Variants in DNASE2 observed in about 807,000 individuals in gnomAD.
The protein encoded by DNASE2 is deoxyribonuclease-2-alpha.
In DNASE2, 26 loss-of-function variants were observed where a neutral mutation model predicts 29.8. That is an observed-to-expected ratio of 0.87 (90% confidence interval 0.64 to 1.21). The LOEUF is 1.21. Among genes scored for constraint, DNASE2 ranks in the 50% most tolerant of loss-of-function variants. DNASE2 has a pLI of 0.00. For synonymous variants in DNASE2, 186 were observed against 193.5 expected (o/e 0.96, Z 0.32); for missense variants, 415 against 455.6 (o/e 0.91, Z 0.81).
Position 12,880,989 on chromosome 19 carries a change from G to C in DNASE2, c.250C>G (p.Arg84Gly), listed in dbSNP as rs139356333. Residue 84 changes from arginine (R) to glycine (G), a missense_variant, in exon 2 of 6, where the codon CGG becomes GGG. Physicochemically the swap from Arg to Gly is moderately radical, Grantham distance 125. Transcript: ENST00000222219. ...CCCTTCACCTGGCTGGTGTTGCTCCGGTACAGCGGCTGCAGGCTTCGGCCC... is the reference window on the plus strand; with the variant it reads ...CCCTTCACCTGGCTGGTGTTGCTCCCGTACAGCGGCTGCAGGCTTCGGCCC... Reference protein sequence around the residue: ...AVGRSLQPLYRSNTSQLAFLL... With the variant: ...AVGRSLQPLYGSNTSQLAFLL... 1.9e-6 allele frequency: 3 copies of C among 1,614,122 alleles called. No individual in the cohort carries two copies. The highest frequency in any genetic ancestry group is 2.5e-6 in the Non-Finnish European group (3 of 1,180,034).
rs772156292 is a variant in DNASE2, at chr19:12,878,483, C to T, written c.608G>A (p.Gly203Asp). 2.6e-5 allele frequency: 42 copies of T among 1,613,930 alleles called. No homozygotes were observed. The highest frequency in any genetic ancestry group is 3.4e-5 in the Non-Finnish European group (40 of 1,180,052). ...EFPDLENVVK[G>D]HHVSQEPWNS... Reference sequence around the variant, plus strand: ...CCAGGGTTCTTGGCTAACGTGGTGGCCCTTGACCACATTCTCCAAGTCGGG... The same window carrying T: ...CCAGGGTTCTTGGCTAACGTGGTGGTCCTTGACCACATTCTCCAAGTCGGG... Residue 203 changes from glycine to aspartate, a missense_variant, in exon 5 of 6, where the codon GGC (glycine) becomes GAC (aspartate). Transcript: ENST00000222219.
At position 12,878,593 on chromosome 19, in the gene DNASE2, G is replaced by A. The variant is rs2145921359; in HGVS notation, c.512-14C>T. 1.2e-6 allele frequency: 2 copies of A among 1,613,882 alleles called. No homozygotes were observed. Among genetic ancestry groups the A allele is most frequent in the Admixed American group, 1.7e-5 (1 of 59,952 alleles). On this transcript the variant is annotated splice_polypyrimidine_tract_variant and intron_variant, in intron 4 of 5. Transcript: ENST00000222219. ...TCAGCTGCTTGCCTGGAGGACAAGG[G>A]GAGGAGGAAATGCAAGATCGTTCCA...
chr19:12,878,797 C>T lies in DNASE2; in HGVS notation c.384G>A (p.Leu128=). 2 of 1,613,776 alleles carry T rather than the reference C, an allele frequency of 1.2e-6. No individual in the cohort carries two copies. The highest frequency in any genetic ancestry group is 1.7e-6 in the Non-Finnish European group (2 of 1,179,968). The change falls in exon 4 of 6, where the codon CTG becomes CTA. Residue 128 remains leucine, a synonymous_variant. Coordinates refer to ENST00000222219, the MANE Select transcript of DNASE2 (RefSeq NM_001375.3). ...GAGGGAAGTTAGGTACACTGTGGAC[C>T]AGCCAGAAGCCCCCATCGTGGTCAA... ...LLLDHDGGFW[L]VHSVPNFPPP... is the part of the protein sequence containing the mutation.
intron 5 of DNASE2, 107 bp from the exon 6 acceptor site, chr19:12,876,470 T>A: frequency 1.4e-6 from 2 of 1,472,498 alleles, no homozygotes; most frequent in Non-Finnish European, 1.8e-6. Context: ...TTTTTTTTTT[T>A]TTTTTTTGAC....
At position 12,875,989 on chromosome 19, in the gene DNASE2, G is replaced by A. The variant is rs1420062223; in HGVS notation, c.*1C>T. ...TGAGCCACTGCACCTGGCCATAAGG[G>A]TTAGATCTTATAAGCTCTGCTGGGC... On this transcript the variant is annotated 3_prime_UTR_variant, in exon 6 of 6. Coordinates refer to ENST00000222219, the MANE Select transcript of DNASE2 (RefSeq NM_001375.3). 1 of 1,612,970 alleles carries A rather than the reference G, an allele frequency of 6.2e-7. No homozygotes were observed. The highest frequency in any genetic ancestry group is 8.5e-7 in the Non-Finnish European group (1 of 1,180,014).
At position 12,880,864 on chromosome 19, in the gene DNASE2, T is replaced by C. The variant is rs201030953; in HGVS notation, c.284A>G (p.Tyr95Cys). 4 of 1,614,178 alleles carry C rather than the reference T, an allele frequency of 2.5e-6. No individual in the cohort carries two copies. The highest frequency in any genetic ancestry group is 1.3e-5 in the African/African-American group (1 of 75,046). The part of the protein sequence containing the change: ...SNTSQLAFLL[Y>C]NDQPPQPSKA... ...GCTGGGTTGAGGCGGTTGGTCATTG[T>C]AGAGCAGGAAGGCGAGCTGCGGGCG... The change falls in exon 3 of 6, where the codon TAC becomes TGC. Residue 95 changes from tyrosine (Y) to cysteine (C), a missense_variant. Tyr to Cys is a radical substitution (Grantham distance 194). Transcript: ENST00000222219.
In DNASE2 at chr19:12,880,112, A is replaced by G. The variant is rs1970363202; in HGVS notation, c.346+690T>C. ...GGAGAGAGAGTGCCGCAAAAAAAAAAAAAAAAAAAAAAAGCCAGGCGTGGT... is the reference window on the plus strand; with the variant it reads ...GGAGAGAGAGTGCCGCAAAAAAAAAGAAAAAAAAAAAAAGCCAGGCGTGGT... On this transcript the variant is annotated intron_variant, in intron 3 of 5. Coordinates refer to ENST00000222219, the MANE Select transcript of DNASE2 (RefSeq NM_001375.3). 2.0e-5 allele frequency among the ~76,000 whole-genome samples: 3 copies of G among 151,002 alleles called. No homozygotes were observed. The South Asian group carries it at 6.3e-4, about 32-fold the overall frequency.
rs140738663 is a variant in DNASE2, at chr19:12,878,677, C to T, written c.504G>A (p.Ser168=). 4.2e-5 allele frequency: 68 copies of T among 1,614,012 alleles called. No individual in the cohort carries two copies. In the African/African-American group the frequency reaches 8.3e-4, roughly 20 times the overall value. Reference sequence around the variant, plus strand: ...GTCCCTGACTCGACTTACCCATCTTCGAGAACTGAGCGAAGGGAAAAGACA... The same window carrying T: ...GTCCCTGACTCGACTTACCCATCTTTGAGAACTGAGCGAAGGGAAAAGACA... The part of the protein sequence containing the change: ...LCVSFPFAQF[S]KMGKQLTYTY... Residue 168 remains serine, a synonymous_variant, in exon 4 of 6, where the codon TCG becomes TCA. Transcript: ENST00000222219.
chr19:12,877,218 C>T (rs536843858), intron 5 of DNASE2, among the ~76,000 whole-genome samples: 3 of 151,958 alleles, frequency 2.0e-5, no homozygotes, highest in African/African-American at 7.2e-5. Flanking sequence ...CCACCGCGTC[C>T]GGCCCTGAGT....
Position 12,878,795 on chromosome 19 carries a change from AC to A in DNASE2, c.385del (p.Val129SerfsTer46), listed in dbSNP as rs1222106494. 1.9e-6 allele frequency: 3 copies of A among 1,613,726 alleles called. No individual in the cohort carries two copies. Among genetic ancestry groups the A allele is most frequent in the African/African-American group, 1.3e-5 (1 of 74,896 alleles). On this transcript the variant is annotated frameshift_variant, in exon 4 of 6. Transcript: ENST00000222219. LOFTEE classifies it high-confidence loss of function. ...TGGAGGGAAGTTAGGTACACTGTGG[AC>A]CAGCCAGAAGCCCCCATCGTGGTCA... is the stretch of plus-strand genomic sequence containing the variant. ...LLDHDGGFWL[V>X]HSVPNFPPPA...
At position 12,875,763 on chromosome 19, in the gene DNASE2, C is replaced by A; in HGVS notation, c.*227G>T. On this transcript the variant is annotated 3_prime_UTR_variant, in exon 6 of 6. Transcript: ENST00000222219. ...GACCCAGGTTGGCGTAATCATAGTTCACTGTGACCATGATCTCCCTGGTTC... is the reference window on the plus strand; with the variant it reads ...GACCCAGGTTGGCGTAATCATAGTTAACTGTGACCATGATCTCCCTGGTTC... 2 of 350,944 alleles carry A rather than the reference C, an allele frequency of 5.7e-6. No individual in the cohort carries two copies. Among genetic ancestry groups the A allele is most frequent in the Non-Finnish European group, 1.0e-5 (2 of 191,942 alleles). The allele number at this position is 350,944 out of a possible 1,614,324, so 21.7% of individuals were successfully genotyped here.
chr19:12,876,793 C>T (rs1406771465), intron 5 of DNASE2, among the ~76,000 whole-genome samples: 1 of 151,704 alleles, frequency 6.6e-6, no homozygotes, highest in African/African-American at 2.4e-5. Flanking sequence ...ATTCCCAGTC[C>T]TGGGAATGAT....
intron 3 of DNASE2, 110 bp downstream of exon 3, chr19:12,880,692 G>C (rs1449874401): frequency 2.1e-6 from 3 of 1,416,304 alleles, no homozygotes; most frequent in Non-Finnish European, 3.0e-6. Flanking sequence ...GGGGGGAATA[G>C]ATGCCCAGGG....
At chr19:12,878,991 A>C (rs139968867) in intron 3 of DNASE2, among the ~76,000 whole-genome samples, 157 bp from the exon 4 acceptor site, 42 of 149,820 alleles carry the variant, frequency 2.8e-4, no homozygotes, top group African/African-American at 8.6e-4. Context: ...AAAAATACAA[A>C]AATTAGCTGA....
chr19:12,879,205 A>G (rs1970352694), intron 3 of DNASE2, among the ~76,000 whole-genome samples: 1 of 151,260 alleles, frequency 6.6e-6, no homozygotes, highest in Admixed American at 6.6e-5. Context: ...AATTTAAAAA[A>G]AGAAGGCAGG....
intron 5 of DNASE2, among the ~76,000 whole-genome samples, chr19:12,877,354 C>G (rs1164230056): frequency 6.6e-6 from 1 of 151,778 alleles, no homozygotes; most frequent in East Asian, 1.9e-4. Flanking sequence ...GTTCTCCCAC[C>G]TCAGCCTCCT....
chr19:12,876,280 A>C lies in DNASE2; in HGVS notation c.793T>G (p.Ser265Ala). 1 of 1,614,112 alleles carries C rather than the reference A, an allele frequency of 6.2e-7. No individual in the cohort carries two copies. The highest frequency in any genetic ancestry group is 1.1e-5 in the South Asian group (1 of 91,074). ...ACCTGCCAGATATCCGAGCAGTTAG[A>C]GGGCAGGATGCCTACAGTTTTGTGC... ...FWHKTVGILP[S>A]NCSDIWQVLN... The change falls in exon 6 of 6, where the codon TCT becomes GCT. Residue 265 changes from serine (S) to alanine (A), a missense_variant. Transcript: ENST00000222219.
rs764526464 is a variant in DNASE2 at position 12,878,811 on chromosome 19, C to CATCGTGGT, written c.362_369dup (p.Gly124ThrfsTer54). 6.2e-7 allele frequency: 1 copy of CATCGTGGT among 1,613,484 alleles called. No homozygotes were observed. Among genetic ancestry groups the CATCGTGGT allele is most frequent in the African/African-American group, 1.3e-5 (1 of 75,022 alleles). ...ACACTGTGGACCAGCCAGAAGCCCC[C>CATCGTGGT]ATCGTGGTCAAGGAGCAGGACACCT... On this transcript the variant is annotated frameshift_variant, in exon 4 of 6. Coordinates refer to ENST00000222219, the MANE Select transcript of DNASE2 (RefSeq NM_001375.3). LOFTEE classifies it high-confidence loss of function.
intron 3 of DNASE2, among the ~76,000 whole-genome samples, chr19:12,880,100 C>T (rs530191354): frequency 4.0e-4 from 32 of 79,670 alleles, no homozygotes; most frequent in South Asian, 2.5e-3. Context: ...GAGAGAGTGC[C>T]GCAAAAAAAA....
Sources: allele counts gnomAD v4.1 joint callset (sites outside exome capture counted in the v4.1 genomes callset), GRCh38; gene constraint gnomAD v4.1.1; transcripts MANE v1.5; gene names NCBI Gene and HGNC (gene_info 2026-07-23, HGNC 2026-07-21).